Variants in FBXW8 observed in about 807,000 individuals in gnomAD.
FBXW8 encodes the protein F-box and WD repeat domain containing 8, also known as F-box/WD repeat-containing protein 8.
FBXW8 carries 57 observed loss-of-function variants against 65.3 expected under a neutral mutation model. That is an observed-to-expected ratio of 0.87 (90% CI 0.71 to 1.09). FBXW8 has a LOEUF of 1.09. FBXW8 is among the 50% of genes least tolerant of loss of function. The pLI is 0.00. For synonymous variants in FBXW8, 308 were observed against 330.2 expected, an observed-to-expected ratio of 0.93 and a Z score of 0.73; for missense variants, 777 against 814.8, an observed-to-expected ratio of 0.95 and a Z score of 0.57.
intron 1 of FBXW8, among the ~76,000 whole-genome samples, chr12:116,912,542 T>C (rs182863139): frequency 5.3e-4 from 80 of 150,678 alleles, no homozygotes; most frequent in Non-Finnish European, 8.8e-4. Context: ...TCACTGCAAG[T>C]TCCGCCTCCT....
intron 8 of FBXW8, 127 bp from the exon 9 acceptor site, chr12:117,024,020 T>C (rs1038151558): frequency 2.2e-6 from 2 of 895,482 alleles, no homozygotes; most frequent in Non-Finnish European, 3.3e-6. Context: ...TATCGATGTT[T>C]GTTTGCAGCT....
chr12:116,953,694 AC>A (rs1221792264), intron 4 of FBXW8, among the ~76,000 whole-genome samples: 27 of 151,820 alleles, frequency 1.8e-4, no homozygotes, highest in Admixed American at 1.4e-3. Context: ...AATGGCGTGA[AC>A]CCAGGAGGTG....
intron 7 of FBXW8, among the ~76,000 whole-genome samples, chr12:116,996,884 A>T (rs1001912521): frequency 6.6e-6 from 1 of 152,148 alleles, no homozygotes; most frequent in Admixed American, 6.5e-5. Context: ...TGCCTCAGGG[A>T]TTACAGCCTT....
At chr12:116,943,558 G>A (rs1045338593) in intron 2 of FBXW8, among the ~76,000 whole-genome samples, 1 of 152,154 alleles carries the variant, frequency 6.6e-6, no homozygotes, top group Non-Finnish European at 1.5e-5. Flanking sequence ...GGTGCTCTCT[G>A]TATATTGGGG....
At chr12:117,004,102 C>A (rs1953616098) in intron 7 of FBXW8, among the ~76,000 whole-genome samples, 1 of 152,184 alleles carries the variant, frequency 6.6e-6, no homozygotes, top group Admixed American at 6.5e-5. Context: ...TCCCATCTCT[C>A]TGTCTGTTGC....
rs772468595 is a variant in FBXW8, at chr12:116,928,138, A to G, written c.423+11A>G. The G allele has an allele frequency of 8.5e-6, 13 of 1,522,400 alleles. No homozygotes were observed. The Admixed American group carries it at 2.1e-4, about 24-fold the overall frequency. The allele number at this position is 1,522,400 out of a possible 1,614,324, so 94.3% of individuals were successfully genotyped here. A position where few individuals can be genotyped will look rare whatever the true frequency, so the allele number is the denominator to read the frequency against. On this transcript the variant is annotated intron_variant, in intron 2 of 10. Transcript: ENST00000652555. ...GGAAGATGTGCACAGGTAAGGTGTC[A>G]CCAACAGATGTTCCAGATTTTCCTA...
chr12:116,943,589 A>G (rs1882745777), intron 2 of FBXW8, among the ~76,000 whole-genome samples: 1 of 152,210 alleles, frequency 6.6e-6, no homozygotes, highest in Admixed American at 6.5e-5. Context: ...CCATTCTAGC[A>G]GCTTACAGCT....
At chr12:117,026,480 G>T (rs986772185) in intron 9 of FBXW8, among the ~76,000 whole-genome samples, 2 of 152,090 alleles carry the variant, frequency 1.3e-5, no homozygotes, top group Admixed American at 6.5e-5. Flanking sequence ...CCTTCTGTGG[G>T]TGTCCCAACC....
intron 7 of FBXW8, among the ~76,000 whole-genome samples, chr12:116,990,691 A>T (rs780398466): frequency 1.3e-5 from 2 of 152,228 alleles, no homozygotes; most frequent in Non-Finnish European, 2.9e-5. Flanking sequence ...GATACATTTG[A>T]GAAACTACTT....
chr12:116,995,365 G>C (rs896263464), intron 7 of FBXW8, among the ~76,000 whole-genome samples: 1 of 152,174 alleles, frequency 6.6e-6, no homozygotes, highest in Non-Finnish European at 1.5e-5. Flanking sequence ...GATTCTTTAA[G>C]CCATGTAGGT....
intron 7 of FBXW8, among the ~76,000 whole-genome samples, chr12:117,001,817 T>A (rs1383355738): frequency 1.3e-5 from 2 of 152,176 alleles, no homozygotes; most frequent in African/African-American, 2.4e-5. Context: ...GAATATTCCC[T>A]GTTTGTGTTA....
chr12:116,955,177 C>G (rs527531521), intron 4 of FBXW8, among the ~76,000 whole-genome samples: 53 of 152,282 alleles, frequency 3.5e-4, no homozygotes, highest in Admixed American at 3.3e-3. Context: ...CTTCCATTAC[C>G]TCCGTGAGCG....
chr12:116,966,779 A>G (rs1245724243), intron 5 of FBXW8, among the ~76,000 whole-genome samples: 1 of 151,982 alleles, frequency 6.6e-6, no homozygotes, highest in Non-Finnish European at 1.5e-5. Context: ...CAGTGGCACC[A>G]TCTCGGCTCA....
chr12:116,944,050 G>C (rs1882774016), intron 2 of FBXW8, among the ~76,000 whole-genome samples: 1 of 152,148 alleles, frequency 6.6e-6, no homozygotes, highest in Admixed American at 6.5e-5. Context: ...TGGCTGCTAG[G>C]CTGCCGGTTT....
Position 116,964,735 on chromosome 12 carries a change from C to T in FBXW8, c.716C>T (p.Thr239Ile). 6.2e-7 allele frequency: 1 copy of T among 1,613,778 alleles called. No homozygotes were observed. Among genetic ancestry groups the T allele is most frequent in the Non-Finnish European group, 8.5e-7 (1 of 1,180,020 alleles). ...GATGTGAGAGTGTGGGACACCCGCACCTGGGACTACGTAGCCCCCTTCCTG... is the reference window on the plus strand; with the variant it reads ...GATGTGAGAGTGTGGGACACCCGCATCTGGGACTACGTAGCCCCCTTCCTG... ...SGDVRVWDTR[T>I]WDYVAPFLES... The change falls in exon 5 of 11, where the codon ACC becomes ATC. Residue 239 changes from threonine to isoleucine, a missense_variant. Physicochemically the swap from Thr to Ile is moderately conservative, Grantham distance 89 (BLOSUM62 -1). Transcript: ENST00000652555.
intron 7 of FBXW8, among the ~76,000 whole-genome samples, chr12:117,004,096 ATC>A (rs971419765): frequency 3.2e-4 from 49 of 152,166 alleles, no homozygotes; most frequent in Non-Finnish European, 1.3e-4. Context: ...CAGATTTCCC[ATC>A]TCTCTGTCTG....
intron 8 of FBXW8, among the ~76,000 whole-genome samples, chr12:117,016,748 G>T (rs115985810): frequency 0.01 from 1,575 of 151,972 alleles, 27 homozygotes; most frequent in African/African-American, 0.036. Flanking sequence ...TTCTTCAAAG[G>T]GTTTTATAGT....
intron 5 of FBXW8, among the ~76,000 whole-genome samples, chr12:116,969,210 C>G (rs571870227): frequency 1.3e-5 from 2 of 152,260 alleles, no homozygotes; most frequent in East Asian, 3.9e-4. Flanking sequence ...TGCAGTGTTT[C>G]CATTGAAATC....
chr12:116,967,248 T>C (rs977202743), intron 5 of FBXW8, among the ~76,000 whole-genome samples: 1 of 152,144 alleles, frequency 6.6e-6, no homozygotes, highest in Non-Finnish European at 1.5e-5. Flanking sequence ...TTTTAATGCC[T>C]GTGTAGTACT....
Sources: gnomAD v4.1 joint callset for allele counts (sites outside exome capture counted in the v4.1 genomes callset) on GRCh38, gnomAD v4.1.1 for gene constraint, MANE v1.5 for transcripts, NCBI Gene and HGNC (gene_info 2026-07-23, HGNC 2026-07-21) for gene names.